STXBP5L: variants seen among roughly 807,000 people sequenced by gnomAD.
STXBP5L encodes syntaxin binding protein 5L.
In STXBP5L, 65 loss-of-function variants were observed where a neutral mutation model predicts 144.5. The observed-to-expected ratio is 0.45, with a 90% CI of 0.37 to 0.55. STXBP5L has a LOEUF of 0.55. Ranked by LOEUF, STXBP5L falls within the 20% of genes least tolerant of loss-of-function variation. STXBP5L has a pLI of 0.00. For synonymous variants in STXBP5L, 505 were observed against 469.6 expected (o/e 1.08, Z -0.97); for missense variants, 1,298 against 1,405.5 (o/e 0.92, Z 1.22).
intron 9 of STXBP5L, among the ~76,000 whole-genome samples, chr3:121,179,731 TAAAG>T (rs1207932489): frequency 6.6e-6 from 1 of 151,946 alleles, no homozygotes; most frequent in Non-Finnish European, 1.5e-5. Flanking sequence ...ATAGATATCA[TAAAG>T]AAAAAACAAT....
chr3:120,974,636 T>G (rs528223614), intron 3 of STXBP5L, among the ~76,000 whole-genome samples: 3 of 152,236 alleles, frequency 2.0e-5, no homozygotes, highest in East Asian at 1.9e-4. Context: ...GTCCTGAATG[T>G]TAATGCGTAG....
At chr3:120,988,519 C>A (rs2107936823) in intron 3 of STXBP5L, among the ~76,000 whole-genome samples, 1 of 151,950 alleles carries the variant, frequency 6.6e-6, no homozygotes, top group African/African-American at 2.4e-5. Flanking sequence ...TGTTTTATTG[C>A]CTAGGGTATG....
intron 6 of STXBP5L, among the ~76,000 whole-genome samples, chr3:121,119,047 G>A (rs146705920): frequency 4.0e-5 from 6 of 151,506 alleles, no homozygotes; most frequent in Non-Finnish European, 5.9e-5. Context: ...TGCATAAAGA[G>A]TATGTAGAGA....
intron 20 of STXBP5L, among the ~76,000 whole-genome samples, chr3:121,338,644 G>A (rs1372867176): frequency 7.0e-5 from 10 of 143,750 alleles, no homozygotes; most frequent in African/African-American, 2.3e-4. Context: ...GAAAGAGAAA[G>A]AGAGAAAGAA....
intron 3 of STXBP5L, among the ~76,000 whole-genome samples, chr3:121,004,756 A>G (rs1200008792): frequency 1.3e-5 from 2 of 152,158 alleles, no homozygotes; most frequent in Admixed American, 6.6e-5. Context: ...AGTTTTTAGC[A>G]TGAAGCGTTG....
At chr3:121,374,009 A>G (rs989324850) in intron 20 of STXBP5L, among the ~76,000 whole-genome samples, 2 of 152,016 alleles carry the variant, frequency 1.3e-5, no homozygotes, top group Admixed American at 1.3e-4. Context: ...TACTACCACC[A>G]CTGACACCTG....
intron 3 of STXBP5L, among the ~76,000 whole-genome samples, chr3:120,986,644 T>C (rs1018632972): frequency 6.6e-6 from 1 of 151,950 alleles, no homozygotes; most frequent in Non-Finnish European, 1.5e-5. Context: ...TTTTGTCTAA[T>C]ATTAGTATAG....
At chr3:121,176,214 T>C (rs1408957261) in intron 9 of STXBP5L, among the ~76,000 whole-genome samples, 1 of 151,954 alleles carries the variant, frequency 6.6e-6, no homozygotes, top group Non-Finnish European at 1.5e-5. Context: ...CTGACATATA[T>C]AGAACAGTCA....
At chr3:120,930,219 C>T (rs1709858923) in intron 2 of STXBP5L, among the ~76,000 whole-genome samples, 1 of 148,150 alleles carries the variant, frequency 6.7e-6, no homozygotes, top group Non-Finnish European at 1.5e-5. Context: ...CATCCAGACT[C>T]TGGTACTTTG....
chr3:121,113,241 G>A (rs899929334), intron 5 of STXBP5L, among the ~76,000 whole-genome samples: 1 of 152,036 alleles, frequency 6.6e-6, no homozygotes, highest in African/African-American at 2.4e-5. Flanking sequence ...CTATATTTAT[G>A]TCTTCTTTAA....
At chr3:121,282,400 A>G in intron 19 of STXBP5L, 2 of 1,499,916 alleles carry the variant, frequency 1.3e-6, no homozygotes, top group Non-Finnish European at 1.8e-6. Flanking sequence ...TTAAATCCAT[A>G]CATCAGTGCT....
chr3:121,347,527 G>T (rs2045050544), intron 20 of STXBP5L, among the ~76,000 whole-genome samples: 1 of 152,174 alleles, frequency 6.6e-6, no homozygotes, highest in African/African-American at 2.4e-5. Flanking sequence ...GGATGGCATT[G>T]AATCTATAAA....
At chr3:120,995,268 C>T (rs769416751) in intron 3 of STXBP5L, among the ~76,000 whole-genome samples, 5 of 152,144 alleles carry the variant, frequency 3.3e-5, no homozygotes, top group African/African-American at 4.8e-5. Context: ...TCACTTCAGC[C>T]TCCCCAGTAG....
chr3:121,247,781 G>A (rs1379257812), intron 14 of STXBP5L, among the ~76,000 whole-genome samples: 1 of 152,182 alleles, frequency 6.6e-6, no homozygotes, highest in Non-Finnish European at 1.5e-5. Context: ...ATGAACATAT[G>A]AGTGCATGTG....
At chr3:121,091,171 T>C (rs1434203295) in intron 5 of STXBP5L, among the ~76,000 whole-genome samples, 1 of 147,664 alleles carries the variant, frequency 6.8e-6, no homozygotes, top group Non-Finnish European at 1.5e-5. Context: ...CTTAATCCAG[T>C]CTATCATTGA....
At chr3:121,059,506 G>C (rs1010201207) in intron 5 of STXBP5L, among the ~76,000 whole-genome samples, 1 of 152,018 alleles carries the variant, frequency 6.6e-6, no homozygotes, top group Non-Finnish European at 1.5e-5. Flanking sequence ...TTCTAATTCT[G>C]TGAAGAATGT....
intron 3 of STXBP5L, among the ~76,000 whole-genome samples, chr3:121,038,528 T>C (rs1351195038): frequency 6.6e-6 from 1 of 151,990 alleles, no homozygotes; most frequent in Admixed American, 6.6e-5. Context: ...ATTTTATCTC[T>C]TAGTAATTGT....
intron 10 of STXBP5L, among the ~76,000 whole-genome samples, chr3:121,206,580 C>T (rs967543082): frequency 2.0e-5 from 3 of 152,068 alleles, no homozygotes; most frequent in Admixed American, 6.6e-5. Context: ...GAGGCTAAGG[C>T]GGGTGGATCA....
At chr3:121,030,516 C>A (rs957444682) in intron 3 of STXBP5L, among the ~76,000 whole-genome samples, 112 of 152,174 alleles carry the variant, frequency 7.4e-4, no homozygotes, top group African/African-American at 2.4e-3. Flanking sequence ...ACATCACACA[C>A]CGGGGCATGT....
Sources: allele counts gnomAD v4.1 joint callset (sites outside exome capture counted in the v4.1 genomes callset), GRCh38; gene constraint gnomAD v4.1.1; transcripts MANE v1.5; gene names NCBI Gene and HGNC (gene_info 2026-07-23, HGNC 2026-07-21).